The following DHX36 variants were observed in gnomAD, a reference collection of about 807,000 sequenced individuals.
The protein encoded by DHX36 is DEAH-box helicase 36.
Under a neutral mutation model 139.0 loss-of-function variants are expected in DHX36, and 50 were observed. That is an observed-to-expected ratio of 0.36 (90% CI 0.29 to 0.46). The LOEUF (loss-of-function observed/expected upper bound fraction) is 0.46, where lower values mean the gene tolerates loss of function less well. Among genes scored for constraint, DHX36 ranks in the 20% least tolerant of loss-of-function variants. The pLI is 1.00. For missense variants in DHX36, 1,024 were observed against 1,211.3 expected (o/e 0.85, Z 2.29); for synonymous variants, 425 against 401.9 (o/e 1.06, Z -0.69).
Position 154,289,799 on chromosome 3 carries a change from C to A in DHX36, c.1842G>T (p.Leu614=), listed in dbSNP as rs776113622. Residue 614 remains leucine, a synonymous_variant, in exon 16 of 25, where the codon CTG becomes CTT. Transcript: ENST00000496811. ...GAAGACTTGCTCTAAGACCATTATA[C>A]AGATGATAGCAATGACCAGGTTGAA... ...GRVQPGHCYH[L]YNGLRASLLD... is the part of the protein sequence containing the mutation. 2 of 1,607,476 alleles carry A rather than the reference C, an allele frequency of 1.2e-6. No individual in the cohort carries two copies. Among genetic ancestry groups the A allele is most frequent in the Non-Finnish European group, 1.7e-6 (2 of 1,176,906 alleles).
intron 4 of DHX36, among the ~76,000 whole-genome samples, chr3:154,310,904 T>C (rs1032423844): frequency 5.2e-5 from 7 of 134,938 alleles, no homozygotes; most frequent in African/African-American, 1.6e-4. Flanking sequence ...TATACATACA[T>C]AGATGTGTAT....
intron 15 of DHX36, among the ~76,000 whole-genome samples, chr3:154,290,152 T>C (rs1417170803): frequency 6.6e-6 from 1 of 152,178 alleles, no homozygotes; most frequent in African/African-American, 2.4e-5. Context: ...AGGTTAAGAA[T>C]AGTAACGTCA....
rs1301003291 is a variant in DHX36, at chr3:154,274,084, ACT to A, written c.*2085_*2086del. 1 of 152,638 alleles carries A rather than the reference ACT, an allele frequency of 6.6e-6. No homozygotes were observed. Among genetic ancestry groups the A allele is most frequent in the African/African-American group, 2.4e-5 (1 of 41,464 alleles). The allele number at this position is 152,638 out of a possible 1,614,324, so 9.5% of individuals were successfully genotyped here. Reference sequence around the variant, plus strand: ...CACTTTGGGAAGCCAAGGCGGGCAGACTGCTTGAGCACAGGAGTTTTGAGACC... The same window carrying A: ...CACTTTGGGAAGCCAAGGCGGGCAGAGCTTGAGCACAGGAGTTTTGAGACC... On this transcript the variant is annotated 3_prime_UTR_variant, in exon 25 of 25. Coordinates refer to ENST00000496811, the MANE Select transcript of DHX36 (RefSeq NM_020865.3).
At chr3:154,284,780 T>C in intron 18 of DHX36, 34 bp downstream of exon 18, 1 of 1,609,622 alleles carries the variant, frequency 6.2e-7, no homozygotes, top group South Asian at 1.1e-5. Context: ...TGTTCACATC[T>C]AAAATAACTC....
intron 4 of DHX36, among the ~76,000 whole-genome samples, chr3:154,310,504 C>T (rs977817178): frequency 6.6e-6 from 1 of 151,434 alleles, no homozygotes; most frequent in Non-Finnish European, 1.5e-5. Flanking sequence ...CCACTTAGGC[C>T]GGGCATGGTG....
At position 154,285,084 on chromosome 3, in the gene DHX36, T is replaced by C. The variant is rs1037754764; in HGVS notation, c.2032-97A>G. ...TAAAAAGAGTAACAAGCCACTACTC[T>C]CTCTTCTAAGTCCAAATGCCCAAAT... On this transcript the variant is annotated intron_variant, in intron 17 of 24. Transcript: ENST00000496811. The C allele has an allele frequency of 8.7e-5, 112 of 1,282,494 alleles. No homozygotes were observed. In the Middle Eastern group the frequency reaches 1.6e-3, roughly 18 times the overall value. 79.4% of individuals were successfully genotyped at this position (1,282,494 alleles called of 1,614,324 possible).
chr3:154,291,128 C>A, intron 15 of DHX36, among the ~76,000 whole-genome samples: 1 of 84,902 alleles, frequency 1.2e-5, no homozygotes, highest in Non-Finnish European at 2.0e-5. Flanking sequence ...GAGCGAGACT[C>A]CGTCTCAAAA....
chr3:154,309,897 C>A, intron 4 of DHX36, 74 bp from the exon 5 acceptor site: 2 of 1,149,584 alleles, frequency 1.7e-6, no homozygotes, highest in Non-Finnish European at 2.4e-6. Context: ...AAAATTCGAC[C>A]AAACTGAACA....
rs1424691368 is a variant in DHX36, at chr3:154,284,890, G to A, written c.2129C>T (p.Ala710Val). ...PHIGKMILFG[A>V]LFCCLDPVLT... is the part of the protein sequence containing the mutation. ...TACTGGGTCTAAGCAGCAGAACAGT[G>A]CTCCAAAAAGAATCATTTTTCCAAT... The change falls in exon 18 of 25, where the codon GCA becomes GTA. Residue 710 changes from alanine to valine, a missense_variant. Transcript: ENST00000496811. 1 of 1,613,964 alleles carries A rather than the reference G, an allele frequency of 6.2e-7. No homozygotes were observed. The highest frequency in any genetic ancestry group is 8.5e-7 in the Non-Finnish European group (1 of 1,180,020).
At chr3:154,308,926 G>GT (rs1186960149) in intron 5 of DHX36, among the ~76,000 whole-genome samples, 1 of 152,076 alleles carries the variant, frequency 6.6e-6, no homozygotes, top group Non-Finnish European at 1.5e-5. Context: ...AGAGACTTAT[G>GT]CCTGTAATCC....
intron 1 of DHX36, among the ~76,000 whole-genome samples, chr3:154,317,533 G>A (rs1713032016): frequency 6.6e-6 from 1 of 152,020 alleles, no homozygotes; most frequent in Admixed American, 6.6e-5. Context: ...GAGTAATCAA[G>A]AGAACAAACA....
intron 16 of DHX36, 101 bp downstream of exon 16, chr3:154,289,608 A>C (rs1711701808): frequency 1.4e-6 from 1 of 725,144 alleles, no homozygotes; most frequent in Non-Finnish European, 2.4e-6. Flanking sequence ...ATTGTGAGTT[A>C]ATAATTGTTT....
chr3:154,289,921 A>G (rs1711716291), intron 15 of DHX36, 95 bp from the exon 16 acceptor site: 7 of 697,570 alleles, frequency 1.0e-5, no homozygotes, highest in African/African-American at 1.8e-5. Context: ...GAAGTAGCCA[A>G]TATCAATTTC....
chr3:154,303,486 A>G, intron 8 of DHX36, 76 bp from the exon 9 acceptor site: 1 of 1,074,270 alleles, frequency 9.3e-7, no homozygotes. Flanking sequence ...AAATAGGACA[A>G]TGACTCTATT....
chr3:154,306,417 T>C (rs1392355733), intron 5 of DHX36, 122 bp from the exon 6 acceptor site: 3 of 756,572 alleles, frequency 4.0e-6, no homozygotes, highest in Non-Finnish European at 2.2e-6. Flanking sequence ...GTTAAAAAAA[T>C]AGATATTAAA....
chr3:154,288,147 C>CAAAAA (rs34632439), intron 17 of DHX36, among the ~76,000 whole-genome samples: 8 of 53,360 alleles, frequency 1.5e-4, no homozygotes, highest in African/African-American at 3.9e-4. Context: ...GACTCTGTCT[C>CAAAAA]AAAAAAAAAA....
At position 154,305,186 on chromosome 3, in the gene DHX36, G is replaced by T. The variant is rs371159018; in HGVS notation, c.894-18C>A. On this transcript the variant is annotated intron_variant, in intron 6 of 24. Transcript: ENST00000496811. ...GCAACCGACTGTGAATGAAAGACAT[G>T]AATTAATAAGCCTTGGTTTTCTCTT... 38 of 1,602,012 alleles carry T rather than the reference G, an allele frequency of 2.4e-5. No individual in the cohort carries two copies. The highest frequency in any genetic ancestry group is 3.1e-5 in the Non-Finnish European group (36 of 1,173,064).
intron 3 of DHX36, among the ~76,000 whole-genome samples, chr3:154,313,315 T>A (rs561623206): frequency 6.6e-6 from 1 of 152,156 alleles, no homozygotes; most frequent in Non-Finnish European, 1.5e-5. Flanking sequence ...CTTTTGACCA[T>A]AACGAAGATG....
intron 17 of DHX36, among the ~76,000 whole-genome samples, chr3:154,285,967 TTGAA>T (rs1711538057): frequency 6.6e-6 from 1 of 151,672 alleles, no homozygotes; most frequent in Admixed American, 6.6e-5. Context: ...TAATGGCAAA[TTGAA>T]TGCTGGCAAG....
Sources: gnomAD v4.1 joint callset for allele counts (sites outside exome capture counted in the v4.1 genomes callset) on GRCh38, gnomAD v4.1.1 for gene constraint, MANE v1.5 for transcripts, NCBI Gene and HGNC (gene_info 2026-07-23, HGNC 2026-07-21) for gene names.